Variants in ACSM3 observed in about 807,000 individuals in gnomAD.
ACSM3 encodes acyl-CoA synthetase medium chain family member 3.
Under a neutral mutation model 74.1 loss-of-function variants are expected in ACSM3, and 61 were observed. That is an observed-to-expected ratio of 0.82 (90% CI 0.67 to 1.02). ACSM3 has a LOEUF of 1.02. ACSM3 is among the 50% of genes least tolerant of loss of function. The probability of loss-of-function intolerance (pLI) is 0.00; values close to 1 mark genes in which losing one functional copy is unlikely to be tolerated. For missense variants in ACSM3, 660 were observed against 697.0 expected (o/e 0.95, Z 0.60); for synonymous variants, 213 against 241.5 (o/e 0.88, Z 1.09).
At position 20,769,882 on chromosome 16, in the gene ACSM3, T is replaced by C. The variant is rs1362801604; in HGVS notation, c.-51-102T>C. ...ACAGAGTGTACGCAGCAAATGGTAC[T>C]ATCATGATGATTATCAATACTAATA... is the stretch of plus-strand genomic sequence containing the variant. On this transcript the variant is annotated intron_variant, in intron 1 of 13. Coordinates refer to ENST00000289416, the MANE Select transcript of ACSM3 (RefSeq NM_005622.4). The C allele has an allele frequency of 1.5e-5, 10 of 657,718 alleles. No homozygotes were observed. The Admixed American group carries it at 2.7e-4, about 18-fold the overall frequency. The allele number at this position is 657,718 out of a possible 1,614,324, so 40.7% of individuals were successfully genotyped here. A position where few individuals can be genotyped will look rare whatever the true frequency, so the allele number is the denominator to read the frequency against.
intron 1 of ACSM3, among the ~76,000 whole-genome samples, chr16:20,726,195 A>G (rs544468604): frequency 6.6e-6 from 1 of 152,334 alleles, no homozygotes; most frequent in East Asian, 1.9e-4. Context: ...AAAGAAAAGC[A>G]TATTTATACT....
At chr16:20,728,675 G>A (rs1312238824) in intron 1 of ACSM3, among the ~76,000 whole-genome samples, 3 of 151,980 alleles carry the variant, frequency 2.0e-5, no homozygotes, top group Admixed American at 6.6e-5. Flanking sequence ...CAAACTGGTT[G>A]CAGTGGTTAT....
chr16:20,789,407 C>A, intron 9 of ACSM3: 1 of 1,100,794 alleles, frequency 9.1e-7, no homozygotes. Flanking sequence ...TAAATGCTAG[C>A]TACTGGTAGA....
chr16:20,718,104 A>AAAGGAG (rs1366619598), intron 1 of ACSM3, among the ~76,000 whole-genome samples: 3 of 151,848 alleles, frequency 2.0e-5, no homozygotes, highest in Non-Finnish European at 1.5e-5. Context: ...AGGAGAAGGA[A>AAAGGAG]AAGGAGAAGA....
chr16:20,760,140 T>G (rs1212304860), upstream of ACSM3, among the ~76,000 whole-genome samples: 3 of 152,154 alleles, frequency 2.0e-5, no homozygotes, highest in African/African-American at 7.2e-5. Context: ...ATCCAAATTC[T>G]AAAATGACTC....
chr16:20,741,477 G>GCCGGGGGGGGGGGGGGCCGCGCCCCC, intron 1 of ACSM3: 1 of 1,378,122 alleles, frequency 7.3e-7, no homozygotes, highest in South Asian at 1.5e-5. Context: ...AGGCCTGGCA[G>GCCGGGGGGGGGGGGGGCCGCGCCCCC]CCGGCCCGCC....
intron 1 of ACSM3, among the ~76,000 whole-genome samples, chr16:20,744,424 G>A (rs935927508): frequency 3.3e-5 from 5 of 152,130 alleles, no homozygotes. Flanking sequence ...TCTTGCTGTC[G>A]CACAGGATGG....
chr16:20,688,809 C>T (rs1342793122), intron 1 of ACSM3, among the ~76,000 whole-genome samples: 2 of 151,826 alleles, frequency 1.3e-5, no homozygotes, highest in Non-Finnish European at 1.5e-5. Flanking sequence ...TGGAGAGGAA[C>T]TCAAATATGA....
At chr16:20,681,033 T>C (rs200856501) in intron 1 of ACSM3, 5 of 152,238 alleles carry the variant, frequency 3.3e-5, no homozygotes, top group African/African-American at 1.2e-4. Flanking sequence ...GATGTGGACA[T>C]AGGAGACTGG....
chr16:20,706,104 G>GTA (rs894643037), intron 1 of ACSM3, among the ~76,000 whole-genome samples: 17 of 151,654 alleles, frequency 1.1e-4, no homozygotes, highest in Admixed American at 9.2e-4. Flanking sequence ...GTGTGTGTGT[G>GTA]TATACATAAA....
chr16:20,770,348 C>T, intron 2 of ACSM3, 95 bp downstream of exon 2: 1 of 1,116,172 alleles, frequency 9.0e-7, no homozygotes, highest in Non-Finnish European at 1.3e-6. Flanking sequence ...TTTTTGTTGC[C>T]ATGATAGGGG....
chr16:20,765,712 G>A (rs1013740484), intron 1 of ACSM3, among the ~76,000 whole-genome samples: 3 of 152,158 alleles, frequency 2.0e-5, no homozygotes, highest in East Asian at 1.9e-4. Context: ...ATAAATACAC[G>A]GGTAATGAAT....
rs763201042 is a variant in ACSM3 at position 20,775,902 on chromosome 16, T to C, written c.283T>C (p.Trp95Arg). 10 of 1,614,018 alleles carry C rather than the reference T, an allele frequency of 6.2e-6. No individual in the cohort carries two copies. The African/African-American group carries it at 1.1e-4, about 17-fold the overall frequency. The change falls in exon 3 of 14, where the codon TGG (tryptophan) becomes CGG (arginine). Residue 95 changes from tryptophan (W) to arginine (R), a missense_variant. Transcript: ENST00000289416. ...CAACAGAAATGGAGAAGAGATGCGA[T>C]GGAGTTTTGAGGAACTGGGATCTCT... ...WINRNGEEMR[W>R]SFEELGSLSR...
rs114378070 is a variant in ACSM3, at chr16:20,704,352, C to T, written c.-190+29530C>T. Among the ~76,000 whole-genome samples, 1,001 of 152,226 alleles carry T rather than the reference C, an allele frequency of 6.6e-3. 17 individuals carry two copies. Among genetic ancestry groups the T allele is most frequent in the African/African-American group, 0.023 (940 of 41,538 alleles). ...GATTTTTAGCTACTGCCCAGCCTCA[C>T]GAAAGCCAGAAAATGATAGAATGAG... On this transcript the variant is annotated intron_variant, in intron 1 of 3. Transcript: ENST00000561584.
At position 20,736,558 on chromosome 16, in the gene ACSM3, G is replaced by C. The variant is rs117935475; in HGVS notation, c.-189-13352G>C. The C allele has an allele frequency of 8.2e-4, 200 of 244,734 alleles. 2 individuals are homozygous for C. The East Asian group carries it at 0.01, about 12-fold the overall frequency. The allele number at this position is 244,734 out of a possible 1,614,324, so 15.2% of individuals were successfully genotyped here. A position where few individuals can be genotyped will look rare whatever the true frequency, so the allele number is the denominator to read the frequency against. ...TTCCTTAGAATGAAAACTTCCCTCT[G>C]ATTTTCTACTTCACAGGTAGTTCAC... On this transcript the variant is annotated intron_variant, in intron 1 of 3. Coordinates refer to the ACSM3 transcript ENST00000561584.
intron 1 of ACSM3, chr16:20,734,781 G>GT (rs2079855191): frequency 6.6e-6 from 1 of 152,302 alleles, no homozygotes; most frequent in Non-Finnish European, 1.5e-5. Context: ...CTCATGGTAT[G>GT]TGAGTGTGAG....
intron 1 of ACSM3, among the ~76,000 whole-genome samples, chr16:20,698,414 G>T (rs1596480706): frequency 6.6e-6 from 1 of 152,144 alleles, no homozygotes; most frequent in East Asian, 1.9e-4. Context: ...TGGAGGTCTG[G>T]AGGCAGAAAG....
At chr16:20,737,119 A>G in intron 1 of ACSM3, 1 of 1,614,176 alleles carries the variant, frequency 6.2e-7, no homozygotes, top group South Asian at 1.1e-5. Context: ...TTAAGCTGTG[A>G]CGGATCCTTA....
chr16:20,738,107 A>G, intron 1 of ACSM3: 1 of 794,566 alleles, frequency 1.3e-6, no homozygotes, highest in Non-Finnish European at 2.1e-6. Flanking sequence ...CTTTCCAAAC[A>G]GTATTTCTTC....
Sources: allele counts gnomAD v4.1 joint callset (sites outside exome capture counted in the v4.1 genomes callset), GRCh38; gene constraint gnomAD v4.1.1; transcripts MANE v1.5; gene names NCBI Gene and HGNC (gene_info 2026-07-23, HGNC 2026-07-21).